Variants in CLVS1 observed in about 807,000 individuals in gnomAD.
CLVS1 encodes the protein clavesin-1.
Under a neutral mutation model 33.1 loss-of-function variants are expected in CLVS1, and 10 were observed. That is an observed-to-expected ratio of 0.30 (90% confidence interval 0.19 to 0.51). CLVS1 has a LOEUF of 0.51. Ranked by LOEUF, CLVS1 falls within the 20% of genes least tolerant of loss-of-function variation. The pLI, the probability that CLVS1 is intolerant of heterozygous loss-of-function variation, is 0.97. For synonymous variants in CLVS1, 163 were observed against 166.1 expected (o/e 0.98, Z 0.14); for missense variants, 343 against 433.4 (o/e 0.79, Z 1.85).
At chr8:61,253,508 C>A (rs1585724449) in intron 2 of CLVS1, among the ~76,000 whole-genome samples, 1 of 152,176 alleles carries the variant, frequency 6.6e-6, no homozygotes, top group African/African-American at 2.4e-5. Context: ...TAATATCCTG[C>A]AGAGTGTTTT....
At chr8:61,019,525 A>C in the CLVS1 span, among the ~76,000 whole-genome samples, 1 of 152,174 alleles carries the variant, frequency 6.6e-6, no homozygotes. Context: ...TATCAGCTCT[A>C]GAATGTTCTA....
chr8:61,110,040 C>G (rs1309695465), intron 1 of CLVS1, among the ~76,000 whole-genome samples: 1 of 152,168 alleles, frequency 6.6e-6, no homozygotes, highest in East Asian at 1.9e-4. Flanking sequence ...TTCATCCCCT[C>G]CTCTGGGCCT....
chr8:61,178,106 G>C (rs577666192), intron 2 of CLVS1, among the ~76,000 whole-genome samples: 2 of 152,262 alleles, frequency 1.3e-5, no homozygotes, highest in Non-Finnish European at 2.9e-5. Context: ...TTGATAAAAG[G>C]TTACAGGAGC....
intron 5 of CLVS1, among the ~76,000 whole-genome samples, chr8:61,492,524 G>C (rs76990093): frequency 6.6e-6 from 1 of 152,012 alleles, no homozygotes; most frequent in African/African-American, 2.4e-5. Flanking sequence ...ATGTTTTTTT[G>C]GGGGGGTCTT....
upstream of CLVS1, chr8:61,287,926 G>A (rs905479120): frequency 4.7e-5 from 17 of 358,070 alleles, no homozygotes; most frequent in South Asian, 3.5e-4. Flanking sequence ...GGACCCAGGG[G>A]AAAGCTAGGC....
chr8:61,227,128 G>C (rs910622330), intron 2 of CLVS1, among the ~76,000 whole-genome samples: 5 of 151,904 alleles, frequency 3.3e-5, no homozygotes, highest in Non-Finnish European at 7.4e-5. Flanking sequence ...GTCAATAGGT[G>C]GACAATGTTT....
the CLVS1 span, among the ~76,000 whole-genome samples, chr8:61,028,671 A>T: frequency 1.3e-5 from 2 of 152,160 alleles, no homozygotes; most frequent in South Asian, 2.1e-4. Flanking sequence ...TATGGTGGTC[A>T]CTGGGCCCTT....
At chr8:61,451,812 CAGAGAGAG>C (rs71257362) in intron 3 of CLVS1, among the ~76,000 whole-genome samples, 16 of 142,930 alleles carry the variant, frequency 1.1e-4, no homozygotes, top group African/African-American at 2.4e-4. Flanking sequence ...CACACACACA[CAGAGAGAG>C]AGAGAGAGAG....
chr8:61,233,551 A>AT (rs768835402), intron 2 of CLVS1, among the ~76,000 whole-genome samples: 5 of 151,892 alleles, frequency 3.3e-5, no homozygotes, highest in Non-Finnish European at 7.4e-5. Context: ...GAAAAAAAAA[A>AT]GTCCACGTCA....
chr8:61,116,996 C>T (rs1261479734), intron 1 of CLVS1, among the ~76,000 whole-genome samples: 1 of 142,562 alleles, frequency 7.0e-6, no homozygotes, highest in Non-Finnish European at 1.5e-5. Context: ...ATTCTTCCTA[C>T]CCATGAGCAT....
At chr8:61,357,166 C>T (rs572759796) in intron 2 of CLVS1, among the ~76,000 whole-genome samples, 26 of 152,232 alleles carry the variant, frequency 1.7e-4, no homozygotes, top group African/African-American at 5.8e-4. Flanking sequence ...ATTTTATTCT[C>T]TTTGAAGCAA....
chr8:61,432,485 C>T (rs762966091), intron 3 of CLVS1, among the ~76,000 whole-genome samples: 2 of 151,874 alleles, frequency 1.3e-5, no homozygotes, highest in African/African-American at 2.4e-5. Flanking sequence ...AGGACATAGA[C>T]ATGTACAGAG....
At chr8:61,272,400 G>A (rs1438919400) in intron 2 of CLVS1, among the ~76,000 whole-genome samples, 14 of 152,048 alleles carry the variant, frequency 9.2e-5, no homozygotes, top group Non-Finnish European at 1.2e-4. Context: ...AGGGTAACCC[G>A]ACCTTTCTCT....
At chr8:61,098,666 G>A (rs1482487720) in intron 1 of CLVS1, among the ~76,000 whole-genome samples, 2 of 151,972 alleles carry the variant, frequency 1.3e-5, no homozygotes, top group Non-Finnish European at 2.9e-5. Flanking sequence ...ACCAGACAGG[G>A]ACATAGAGGC....
At chr8:61,192,816 T>C (rs1218963144) in intron 2 of CLVS1, among the ~76,000 whole-genome samples, 2 of 151,988 alleles carry the variant, frequency 1.3e-5, no homozygotes, top group Admixed American at 1.3e-4. Flanking sequence ...AAAACGACAA[T>C]GAGATACCAT....
At chr8:61,377,937 A>C (rs979346764) in intron 3 of CLVS1, 12 of 152,112 alleles carry the variant, frequency 7.9e-5, no homozygotes, top group African/African-American at 1.7e-4. Flanking sequence ...TTGAATGTAC[A>C]GACTACATGG....
At chr8:61,040,218 C>G in the CLVS1 span, among the ~76,000 whole-genome samples, 1 of 151,670 alleles carries the variant, frequency 6.6e-6, no homozygotes, top group African/African-American at 2.4e-5. Context: ...TGTATATGTA[C>G]CACGTTTTCT....
intron 2 of CLVS1, among the ~76,000 whole-genome samples, chr8:61,185,473 C>G (rs1355826616): frequency 6.6e-6 from 1 of 152,026 alleles, no homozygotes; most frequent in African/African-American, 2.4e-5. Flanking sequence ...GTTTTAATGG[C>G]TATACTGTAT....
intron 2 of CLVS1, among the ~76,000 whole-genome samples, chr8:61,142,447 T>C (rs1014158929): frequency 6.6e-6 from 1 of 152,164 alleles, no homozygotes; most frequent in Non-Finnish European, 1.5e-5. Context: ...ACTAATACAA[T>C]TGGGACGTTG....
Sources: allele counts gnomAD v4.1 joint callset (sites outside exome capture counted in the v4.1 genomes callset), GRCh38; gene constraint gnomAD v4.1.1; transcripts MANE v1.5; gene names NCBI Gene and HGNC (gene_info 2026-07-23, HGNC 2026-07-21).